The following CLCN5 variants were observed in gnomAD, a reference collection of about 807,000 sequenced individuals.
CLCN5 encodes the protein H(+)/Cl(-) exchange transporter 5.
Under a neutral mutation model 54.0 loss-of-function variants are expected in CLCN5, and 17 were observed. The observed-to-expected ratio is 0.31, with a 90% confidence interval of 0.22 to 0.47. The LOEUF (loss-of-function observed/expected upper bound fraction) is 0.47. CLCN5 is among the 20% of genes least tolerant of loss of function. The probability of loss-of-function intolerance (pLI) is 1.00; values close to 1 mark genes in which losing one functional copy is unlikely to be tolerated. For synonymous variants in CLCN5, 222 were observed against 233.0 expected, an observed-to-expected ratio of 0.95 and a Z score of 0.43; for missense variants, 448 against 646.7, an observed-to-expected ratio of 0.69 and a Z score of 3.33.
At chrX:49,969,322 C>T (rs1347229933) in intron 3 of CLCN5, among the ~76,000 whole-genome samples, 1 of 112,171 alleles carries the variant, frequency 8.9e-6, no homozygotes, top group Non-Finnish European at 1.9e-5. Flanking sequence ...AGGTGATCTG[C>T]CTGCCTCAGC....
chrX:49,981,011 A>G (rs925178885), intron 3 of CLCN5, among the ~76,000 whole-genome samples: 9 of 111,635 alleles, frequency 8.1e-5, no homozygotes, highest in Admixed American at 7.6e-4. Flanking sequence ...TACTGCCTCT[A>G]TAATTGCAAA....
chrX:50,087,957 A>C (rs1010382457), intron 11 of CLCN5, among the ~76,000 whole-genome samples: 2 of 112,270 alleles, frequency 1.8e-5, no homozygotes, highest in Non-Finnish European at 3.8e-5. Flanking sequence ...CAAGAAAAAG[A>C]GTGGGGAGAT....
At chrX:50,009,663 A>G (rs782321533) in intron 3 of CLCN5, 44 of 379,805 alleles carry the variant, frequency 1.2e-4, no homozygotes, top group Admixed American at 2.3e-4. Flanking sequence ...TGGGACCATG[A>G]AAGTCAAATA....
chrX:49,976,363 A>G (rs1602002845), intron 3 of CLCN5, among the ~76,000 whole-genome samples: 3 of 112,455 alleles, frequency 2.7e-5, no homozygotes, highest in Non-Finnish European at 5.6e-5. Flanking sequence ...CAGCACAGAA[A>G]TGGTTGAGGG....
intron 3 of CLCN5, among the ~76,000 whole-genome samples, chrX:50,036,939 A>G (rs1172665337): frequency 8.9e-6 from 1 of 112,248 alleles, no homozygotes; most frequent in Non-Finnish European, 1.9e-5. Flanking sequence ...TAAGATTTGT[A>G]GAAACCTTGA....
intron 4 of CLCN5, among the ~76,000 whole-genome samples, chrX:50,062,009 G>A (rs1404812641): frequency 5.2e-5 from 5 of 96,356 alleles, no homozygotes; most frequent in Non-Finnish European, 8.1e-5. Flanking sequence ...TGAAGGAAGC[G>A]CTAAACATGG....
chrX:50,063,065 T>C (rs1355516694), intron 4 of CLCN5, among the ~76,000 whole-genome samples: 3 of 109,032 alleles, frequency 2.8e-5, no homozygotes, highest in Non-Finnish European at 3.8e-5. Context: ...AGGAAAGATC[T>C]AAAATTGACA....
chrX:49,985,586 A>C (rs1928957682), intron 3 of CLCN5, among the ~76,000 whole-genome samples: 1 of 111,812 alleles, frequency 8.9e-6, no homozygotes, highest in Admixed American at 9.5e-5. Context: ...TGAATTGATC[A>C]GTTTTTTGTT....
chrX:49,944,235 G>C (rs1407168211), intron 3 of CLCN5, among the ~76,000 whole-genome samples: 2 of 111,696 alleles, frequency 1.8e-5, no homozygotes, highest in African/African-American at 6.5e-5. Flanking sequence ...GAATGCTTGT[G>C]ATTTTTGCAC....
At chrX:50,033,546 A>G (rs1557186178) in intron 3 of CLCN5, among the ~76,000 whole-genome samples, 1 of 111,760 alleles carries the variant, frequency 8.9e-6, no homozygotes, top group Non-Finnish European at 1.9e-5. Context: ...AGAACATTCC[A>G]TGCCCATGGG....
intron 14 of CLCN5, 118 bp downstream of exon 14, chrX:50,091,004 T>C: frequency 7.0e-6 from 4 of 570,595 alleles, no homozygotes; most frequent in Non-Finnish European, 1.2e-5. Context: ...TTTTAGGACT[T>C]CTTGAAGCTC....
intron 3 of CLCN5, among the ~76,000 whole-genome samples, chrX:49,945,964 C>A (rs1557172043): frequency 9.2e-6 from 1 of 109,046 alleles, no homozygotes; most frequent in Non-Finnish European, 1.9e-5. Context: ...ACTGTGTTGC[C>A]CAGGCTGGTC....
intron 9 of CLCN5, among the ~76,000 whole-genome samples, chrX:50,083,607 C>T (rs781886563): frequency 1.3e-4 from 15 of 111,751 alleles, no homozygotes; most frequent in Non-Finnish European, 2.8e-4. Context: ...GACATAAAAG[C>T]ATTTATATCC....
At chrX:49,983,396 C>A (rs972298768) in intron 3 of CLCN5, among the ~76,000 whole-genome samples, 5 of 110,975 alleles carry the variant, frequency 4.5e-5, no homozygotes, top group African/African-American at 1.6e-4. Context: ...ACTTGTGCTT[C>A]ATTTTATTCA....
intron 3 of CLCN5, among the ~76,000 whole-genome samples, chrX:50,027,021 T>C (rs5906904): frequency 0.018 from 1,734 of 96,792 alleles, 13 homozygotes; most frequent in Non-Finnish European, 0.025. Context: ...TTCTTTCTTT[T>C]TTTTTTTTTT....
At chrX:50,088,962 G>A in intron 12 of CLCN5, 78 bp downstream of exon 12, 1 of 973,220 alleles carries the variant, frequency 1.0e-6, no homozygotes, top group Non-Finnish European at 1.5e-6. Context: ...ACAGTTGACT[G>A]TAGGAGAATT....
At chrX:49,981,221 T>G (rs887999023) in intron 3 of CLCN5, among the ~76,000 whole-genome samples, 16 of 111,886 alleles carry the variant, frequency 1.4e-4, no homozygotes, top group Non-Finnish European at 3.0e-4. Context: ...TATTAAAAGT[T>G]TTTTTCCCCA....
intron 4 of CLCN5, among the ~76,000 whole-genome samples, chrX:50,053,705 A>G (rs1299649950): frequency 8.9e-6 from 1 of 111,790 alleles, no homozygotes; most frequent in African/African-American, 3.2e-5. Context: ...CTTCTCACAT[A>G]TATTATATTT....
intron 3 of CLCN5, among the ~76,000 whole-genome samples, chrX:49,980,833 G>GT (rs1928696508): frequency 9.0e-6 from 1 of 111,394 alleles, no homozygotes; most frequent in Non-Finnish European, 1.9e-5. Flanking sequence ...TTGGTGTAAT[G>GT]TTTTTATATC....
Sources: allele counts gnomAD v4.1 joint callset (sites outside exome capture counted in the v4.1 genomes callset), GRCh38; gene constraint gnomAD v4.1.1; transcripts MANE v1.5; gene names NCBI Gene and HGNC (gene_info 2026-07-23, HGNC 2026-07-21).